HOMER2: variants seen among roughly 807,000 people sequenced by gnomAD.
HOMER2 encodes the protein homer scaffold protein 2.
A neutral mutation model predicts 47.0 loss-of-function variants in HOMER2; 27 were observed. The observed-to-expected ratio is 0.57, with a 90% CI of 0.42 to 0.79. The LOEUF is 0.79. HOMER2 is among the 30% of genes least tolerant of loss of function. HOMER2 has a pLI of 0.00. For synonymous variants in HOMER2, 161 were observed against 163.8 expected (o/e 0.98, Z 0.13); for missense variants, 443 against 435.0 (o/e 1.02, Z -0.16).
chr15:82,952,751 G>A (rs2054537448), upstream of HOMER2: 1 of 969,138 alleles, frequency 1.0e-6, no homozygotes. Context: ...GCCGCGCTGG[G>A]GCGGTGCCCG....
chr15:82,861,163 G>A (rs533449854), intron 4 of HOMER2, among the ~76,000 whole-genome samples: 3 of 152,276 alleles, frequency 2.0e-5, no homozygotes, highest in Non-Finnish European at 4.4e-5. Flanking sequence ...TAAGTTTGTG[G>A]TATGCATCAC....
At chr15:82,866,287 T>A (rs879692554) in intron 3 of HOMER2, among the ~76,000 whole-genome samples, 1 of 152,242 alleles carries the variant, frequency 6.6e-6, no homozygotes, top group Non-Finnish European at 1.5e-5. Context: ...TGGACTTGCA[T>A]GGGGCCTGTA....
chr15:82,924,296 T>C (rs1275364015), intron 1 of HOMER2, among the ~76,000 whole-genome samples: 3 of 151,958 alleles, frequency 2.0e-5, no homozygotes, highest in African/African-American at 7.3e-5. Flanking sequence ...GTTCAATGCT[T>C]GACTTTTAGT....
chr15:82,868,709 G>A (rs956366957), intron 3 of HOMER2, among the ~76,000 whole-genome samples: 1 of 150,044 alleles, frequency 6.7e-6, no homozygotes, highest in South Asian at 2.1e-4. Flanking sequence ...GCGCCACCAC[G>A]CCCGGCTAAT....
intron 1 of HOMER2, among the ~76,000 whole-genome samples, chr15:82,939,339 T>C (rs1307638648): frequency 6.6e-6 from 1 of 152,170 alleles, no homozygotes; most frequent in South Asian, 2.1e-4. Flanking sequence ...ATGACTCTCA[T>C]GGGAGCTTTG....
chr15:82,870,235 G>A (rs916413353), intron 3 of HOMER2, among the ~76,000 whole-genome samples: 2 of 152,166 alleles, frequency 1.3e-5, no homozygotes, highest in African/African-American at 4.8e-5. Context: ...AAATTTCCTA[G>A]GTGCTAGAGA....
rs868742880 is a variant in HOMER2, at chr15:82,892,755, G to A, written c.92C>T (p.Ala31Val). The A allele has an allele frequency of 6.2e-6, 10 of 1,605,806 alleles. No homozygotes were observed. The highest frequency in any genetic ancestry group is 7.7e-6 in the Non-Finnish European group (9 of 1,174,462). Residue 31 changes from alanine (A) to valine (V), a missense_variant, in exon 2 of 9, where the codon GCG becomes GTG. By Grantham distance (64) the Ala-to-Val change is moderately conservative. Transcript: ENST00000450735. ...ATCATAGAAGTAGGAAACGGTGACC[G>A]CCTGCTTGCTCGCAGGCATCCAGTT... Reference protein sequence around the residue: ...KKNWMPASKQAVTVSYFYDVT... With the variant: ...KKNWMPASKQVVTVSYFYDVT...
At chr15:82,836,922 A>G (rs973528579), downstream of HOMER2, 4 of 152,286 alleles carry the variant, frequency 2.6e-5, no homozygotes, top group African/African-American at 7.2e-5. Flanking sequence ...TATTGCTGCC[A>G]TAACAAATCA....
chr15:82,845,231 C>CACACAT (rs1177675754), downstream of HOMER2: 1 of 74,096 alleles, frequency 1.3e-5, no homozygotes, highest in Non-Finnish European at 3.2e-5. Flanking sequence ...CACACACACA[C>CACACAT]ACACACACAC....
At chr15:82,942,469 G>A (rs1418485009) in intron 1 of HOMER2, among the ~76,000 whole-genome samples, 1 of 152,166 alleles carries the variant, frequency 6.6e-6, no homozygotes, top group African/African-American at 2.4e-5. Context: ...ATCCTCCAAT[G>A]CCCATCCATT....
At chr15:82,917,690 T>C (rs943978903) in intron 1 of HOMER2, among the ~76,000 whole-genome samples, 2 of 152,198 alleles carry the variant, frequency 1.3e-5, no homozygotes, top group Non-Finnish European at 2.9e-5. Flanking sequence ...AACCCATTGT[T>C]CTACAGCCAT....
chr15:82,961,287 T>C (rs1169087322), intron 1 of HOMER2, among the ~76,000 whole-genome samples: 1 of 152,280 alleles, frequency 6.6e-6, no homozygotes, highest in Admixed American at 6.5e-5. Flanking sequence ...CCATTTTCTT[T>C]GGGTTCCTCA....
chr15:82,875,374 T>C lies in HOMER2; in HGVS notation c.193A>G (p.Met65Val), dbSNP rs2052314527. 1 of 1,613,982 alleles carries C rather than the reference T, an allele frequency of 6.2e-7. No homozygotes were observed. The highest frequency in any genetic ancestry group is 1.1e-5 in the South Asian group (1 of 91,084). Reference sequence around the variant, plus strand: ...TTCTGTGACGTTTTGGTGAAGGTCATATTCGGTGTGATTGTGCTGTTTATG... The same window carrying C: ...TTCTGTGACGTTTTGGTGAAGGTCACATTCGGTGTGATTGTGCTGTTTATG... ...VIINSTITPN[M>V]TFTKTSQKFG... Residue 65 changes from methionine (M) to valine (V), a missense_variant, in exon 3 of 9, where the codon ATG becomes GTG. Met to Val is a conservative substitution (Grantham distance 21). Coordinates refer to ENST00000450735, the MANE Select transcript of HOMER2 (RefSeq NM_004839.4).
At chr15:82,978,871 C>A (rs566193937) in intron 1 of HOMER2, among the ~76,000 whole-genome samples, 2 of 152,310 alleles carry the variant, frequency 1.3e-5, no homozygotes, top group East Asian at 3.9e-4. Flanking sequence ...CAGGTGTGTG[C>A]CACCACACCC....
At chr15:82,983,389 T>G (rs577228262) in intron 1 of HOMER2, among the ~76,000 whole-genome samples, 33 of 152,224 alleles carry the variant, frequency 2.2e-4, no homozygotes, top group Non-Finnish European at 4.3e-4. Context: ...GTAGAGCCTC[T>G]CTTTCCTGAG....
intron 1 of HOMER2, among the ~76,000 whole-genome samples, chr15:82,914,554 GGGA>G (rs1440994721): frequency 1.3e-5 from 2 of 152,098 alleles, no homozygotes; most frequent in Non-Finnish European, 2.9e-5. Flanking sequence ...CAGTGGCTGG[GGGA>G]GGAGGGAATG....
At chr15:82,914,378 T>TAAA (rs755003013) in intron 1 of HOMER2, among the ~76,000 whole-genome samples, 2 of 108,938 alleles carry the variant, frequency 1.8e-5, no homozygotes. Context: ...ACTCCATCTT[T>TAAA]AAAAAAAAAA....
chr15:82,967,454 A>T (rs1034312912), intron 1 of HOMER2, among the ~76,000 whole-genome samples: 1 of 152,038 alleles, frequency 6.6e-6, no homozygotes, highest in Non-Finnish European at 1.5e-5. Flanking sequence ...GGGTGTGGGG[A>T]AGTGGGTCAG....
chr15:82,919,646 C>G (rs1454187033), intron 1 of HOMER2, among the ~76,000 whole-genome samples: 1 of 152,166 alleles, frequency 6.6e-6, no homozygotes, highest in African/African-American at 2.4e-5. Flanking sequence ...AATAAATTAA[C>G]ACAATAGAGT....
Sources: allele counts gnomAD v4.1 joint callset (sites outside exome capture counted in the v4.1 genomes callset), GRCh38; gene constraint gnomAD v4.1.1; transcripts MANE v1.5; gene names NCBI Gene and HGNC (gene_info 2026-07-23, HGNC 2026-07-21).